The following SERPINB8 variants were observed in gnomAD, a reference collection of about 807,000 sequenced individuals.
The protein encoded by SERPINB8 is serpin B8.
SERPINB8 carries 25 observed loss-of-function variants against 35.3 expected under a neutral mutation model. The observed-to-expected ratio is 0.71, with a 90% CI of 0.52 to 0.99. SERPINB8 has a LOEUF of 0.99. Among genes scored for constraint, SERPINB8 ranks in the 50% least tolerant of loss-of-function variants. The pLI is 0.00. For synonymous variants in SERPINB8, 186 were observed against 160.8 expected, an observed-to-expected ratio of 1.16 and a Z score of -1.19; for missense variants, 484 against 446.5, an observed-to-expected ratio of 1.08 and a Z score of -0.76.
chr18:63,978,151 T>A, intron 1 of SERPINB8, 148 bp from the exon 2 acceptor site: 3 of 722,220 alleles, frequency 4.2e-6, no homozygotes, highest in Non-Finnish European at 7.1e-6. Flanking sequence ...GATCATGTAG[T>A]CACAGGTTTT....
At chr18:63,979,714 T>A (rs755536218) in intron 2 of SERPINB8, 87 bp from the exon 3 acceptor site, 87 of 1,525,878 alleles carry the variant, frequency 5.7e-5, no homozygotes, top group Non-Finnish European at 7.5e-5. Context: ...CCTGTGTGGT[T>A]TTTTTAGTAC....
chr18:63,990,788 T>G (rs1039881053), downstream of SERPINB8, among the ~76,000 whole-genome samples: 2 of 152,190 alleles, frequency 1.3e-5, no homozygotes, highest in Non-Finnish European at 2.9e-5. Context: ...TTAATTTTGA[T>G]GAAGTCCATT....
chr18:64,001,467 G>GTTTGTTTC (rs1445012289), intron 1 of SERPINB8, among the ~76,000 whole-genome samples: 1 of 130,448 alleles, frequency 7.7e-6, no homozygotes, highest in Non-Finnish European at 1.6e-5. Flanking sequence ...TTTTCTGTTT[G>GTTTGTTTC]TTTGTTTGTT....
At chr18:63,998,204 C>T (rs1336297497) in intron 1 of SERPINB8, among the ~76,000 whole-genome samples, 1 of 152,202 alleles carries the variant, frequency 6.6e-6, no homozygotes, top group Non-Finnish European at 1.5e-5. Flanking sequence ...GAGCATTCTG[C>T]TGGATCCTAA....
At chr18:63,972,839 C>CATAGT (rs1258506233) in intron 1 of SERPINB8, among the ~76,000 whole-genome samples, 2 of 152,106 alleles carry the variant, frequency 1.3e-5, no homozygotes, top group Non-Finnish European at 2.9e-5. Context: ...TTTATGGCTG[C>CATAGT]ATAGTATTCC....
chr18:64,001,475 G>GTTTATTTATTTATTTA (rs59133514), intron 1 of SERPINB8, among the ~76,000 whole-genome samples: 4,307 of 146,838 alleles, frequency 0.029, 87 homozygotes, highest in Middle Eastern at 0.056. Context: ...TTGTTTGTTT[G>GTTTATTTATTTATTTA]TTTATTTATT....
At chr18:64,015,066 G>A (rs1300490547) in intron 7 of SERPINB8, among the ~76,000 whole-genome samples, 2 of 151,922 alleles carry the variant, frequency 1.3e-5, no homozygotes, top group Non-Finnish European at 2.9e-5. Flanking sequence ...CATTCTTTTT[G>A]CCCATTATTC....
intron 1 of SERPINB8, among the ~76,000 whole-genome samples, chr18:63,973,077 T>C (rs1205764589): frequency 2.6e-5 from 4 of 152,202 alleles, no homozygotes; most frequent in East Asian, 1.9e-4. Context: ...CTGTCTTCCA[T>C]AATGGTTGAA....
intron 3 of SERPINB8, 102 bp from the exon 4 acceptor site, chr18:63,981,619 C>T (rs1395848110): frequency 2.5e-6 from 2 of 793,996 alleles, no homozygotes; most frequent in Non-Finnish European, 4.2e-6. Flanking sequence ...TGTGACCTGT[C>T]CAAGCACTTA....
chr18:63,971,040 C>T (rs1388335881), intron 1 of SERPINB8, among the ~76,000 whole-genome samples: 1 of 152,154 alleles, frequency 6.6e-6, no homozygotes, highest in Non-Finnish European at 1.5e-5. Context: ...CGGGCCCCTC[C>T]CGCTTCCCTG....
exon 2 of SERPINB8, chr18:64,005,011 C>T (rs1049857904): frequency 7.6e-6 from 3 of 395,178 alleles, no homozygotes; most frequent in South Asian, 1.4e-4. Flanking sequence ...TGTGTGATAA[C>T]TAATTGCAAC....
chr18:64,009,721 T>A (rs961285930), downstream of SERPINB8, among the ~76,000 whole-genome samples: 2 of 152,220 alleles, frequency 1.3e-5, no homozygotes, highest in African/African-American at 2.4e-5. Context: ...AATCAGACCT[T>A]GATGATGACC....
Position 63,987,246 on chromosome 18 carries a change from A to G in SERPINB8, c.1093A>G (p.Ile365Val), listed in dbSNP as rs1331287992. Residue 365 changes from isoleucine to valine, a missense_variant, in exon 7 of 7, where the codon ATC becomes GTC. Physicochemically the swap from Ile to Val is conservative, Grantham distance 29. Coordinates refer to ENST00000397985, the MANE Select transcript of SERPINB8 (RefSeq NM_002640.4). ...CATCAGGCACCACAAAACCAACTGC[A>G]TCTTGTTCTGTGGCAGGTTCTCTTC... Reference protein sequence around the residue: ...FFIRHHKTNCILFCGRFSSP With the variant: ...FFIRHHKTNCVLFCGRFSSP 1.1e-5 allele frequency: 18 copies of G among 1,613,624 alleles called. No individual in the cohort carries two copies. The African/African-American group carries it at 1.6e-4, about 14-fold the overall frequency.
chr18:63,985,313 A>G, intron 6 of SERPINB8, 68 bp downstream of exon 6: 1 of 1,556,052 alleles, frequency 6.4e-7, no homozygotes. Flanking sequence ...ATGTTCATCT[A>G]CCAATTGGCA....
At chr18:63,982,907 C>G (rs1041016936) in intron 4 of SERPINB8, among the ~76,000 whole-genome samples, 6 of 151,878 alleles carry the variant, frequency 4.0e-5, no homozygotes, top group African/African-American at 1.5e-4. Context: ...TATTCTACCC[C>G]CCTAATTCCT....
chr18:63,984,896 C>A lies in SERPINB8; in HGVS notation c.568-197C>A, dbSNP rs561435658. 6.5e-4 allele frequency among the ~76,000 whole-genome samples: 98 copies of A among 151,178 alleles called. 2 individuals carry two copies. Among genetic ancestry groups the A allele is most frequent in the Non-Finnish European group, 4.0e-4 (27 of 67,878 alleles). On this transcript the variant is annotated intron_variant, in intron 5 of 6. Coordinates refer to ENST00000397985, the MANE Select transcript of SERPINB8 (RefSeq NM_002640.4). ...TACCAAACTGTTTTTTTTTTCTCAC[C>A]TGGTAATATTTGATCTGCTGGAACA...
chr18:63,992,082 A>T (rs1397352733), downstream of SERPINB8, among the ~76,000 whole-genome samples: 1 of 152,196 alleles, frequency 6.6e-6, no homozygotes, highest in Non-Finnish European at 1.5e-5. Context: ...GAGAGACATT[A>T]GTCTGTACTA....
chr18:63,981,295 T>G (rs1299892062), intron 3 of SERPINB8, among the ~76,000 whole-genome samples: 1 of 152,244 alleles, frequency 6.6e-6, no homozygotes, highest in Non-Finnish European at 1.5e-5. Context: ...AACAATCTAG[T>G]TCCCTTATAA....
chr18:64,019,702 C>T (rs2144856327), exon 8 of SERPINB8: 1 of 152,018 alleles, frequency 6.6e-6, no homozygotes, highest in Middle Eastern at 3.4e-3. Flanking sequence ...AGATAAGTGA[C>T]AGTGTGATTT....
Sources: allele counts gnomAD v4.1 joint callset (sites outside exome capture counted in the v4.1 genomes callset), GRCh38; gene constraint gnomAD v4.1.1; transcripts MANE v1.5; gene names NCBI Gene and HGNC (gene_info 2026-07-23, HGNC 2026-07-21).